NEK1: variants seen among roughly 807,000 people sequenced by gnomAD.
The protein encoded by NEK1 is NIMA related kinase 1, also known as serine/threonine-protein kinase Nek1.
In NEK1, 137 loss-of-function variants were observed where a neutral mutation model predicts 182.1. The observed-to-expected ratio is 0.75, with a 90% confidence interval of 0.65 to 0.87. The LOEUF is 0.87. Among genes scored for constraint, NEK1 ranks in the 40% least tolerant of loss-of-function variants. The pLI is 0.00. For synonymous variants in NEK1, 513 were observed against 492.2 expected (o/e 1.04, Z -0.56); for missense variants, 1,391 against 1,494.4 (o/e 0.93, Z 1.14).
In NEK1 at chr4:169,433,556, T is replaced by A; in HGVS notation, c.2874A>T (p.Thr958=). The A allele has an allele frequency of 6.2e-7, 1 of 1,608,872 alleles. No homozygotes were observed. The change falls in exon 29 of 36, where the codon ACA becomes ACT. Residue 958 remains threonine, a synonymous_variant. Coordinates refer to ENST00000507142, the MANE Select transcript of NEK1 (RefSeq NM_001199397.3). ...AAAGATGTACATACTGAGTTTCCTT[T>A]GTTTCTTTTTCCTCACTAATCCACA... ...TDVWISEEKE[T]KETQSADRIT... is the part of the protein sequence containing the mutation.
rs1205137970 is a variant in NEK1 at position 169,438,135 on chromosome 4, C to T, written c.2712G>A (p.Glu904=). 5 of 1,611,868 alleles carry T rather than the reference C, an allele frequency of 3.1e-6. No individual in the cohort carries two copies. The highest frequency in any genetic ancestry group is 4.2e-6 in the Non-Finnish European group (5 of 1,179,054). Residue 904 remains glutamate (E), a synonymous_variant, in exon 28 of 36, where the codon GAG becomes GAA. Coordinates refer to ENST00000507142, the MANE Select transcript of NEK1 (RefSeq NM_001199397.3). ...ACATCTGTGGAGATGCCTCACTGAA[C>T]TCGGGACTTTTTGTCTCAACAGGAG... The part of the protein sequence containing the change: ...VDSPVETKSP[E]FSEASPQMSL...
chr4:169,577,194 C>T, intron 11 of NEK1, 115 bp from the exon 12 acceptor site: 1 of 996,994 alleles, frequency 1.0e-6, no homozygotes, highest in Non-Finnish European at 1.5e-6. Context: ...GTATTTTAAA[C>T]TTTCTATCAA....
intron 20 of NEK1, 150 bp downstream of exon 20, chr4:169,508,619 A>T (rs1753697074): frequency 1.8e-6 from 1 of 568,700 alleles, no homozygotes; most frequent in Admixed American, 3.8e-5. Flanking sequence ...AAATTATAAC[A>T]CAGAATGTCA....
chr4:169,591,557 C>T (rs1157587040), intron 5 of NEK1, among the ~76,000 whole-genome samples: 3 of 151,976 alleles, frequency 2.0e-5, no homozygotes, highest in Non-Finnish European at 4.4e-5. Context: ...CTTTTTTTCT[C>T]TTCCCACATT....
chr4:169,468,967 C>T (rs572990749), intron 26 of NEK1, among the ~76,000 whole-genome samples: 3 of 151,890 alleles, frequency 2.0e-5, no homozygotes, highest in Admixed American at 2.0e-4. Flanking sequence ...TGGTGATATC[C>T]CCTTTATCAT....
At chr4:169,402,362 T>C (rs1731836646) in intron 32 of NEK1, among the ~76,000 whole-genome samples, 1 of 152,206 alleles carries the variant, frequency 6.6e-6, no homozygotes, top group East Asian at 1.9e-4. Context: ...CTTTTAGAAA[T>C]AGAAATACTT....
chr4:169,490,453 G>C (rs1216836261), intron 23 of NEK1, among the ~76,000 whole-genome samples: 2 of 151,882 alleles, frequency 1.3e-5, no homozygotes, highest in African/African-American at 4.8e-5. Context: ...CACCATCAAA[G>C]GAATAATTCT....
chr4:169,479,516 T>C lies in NEK1; in HGVS notation c.2026A>G (p.Lys676Glu). The change falls in exon 24 of 36, where the codon AAG becomes GAG. Residue 676 changes from lysine to glutamate, a missense_variant. Physicochemically the swap from Lys to Glu is moderately conservative, Grantham distance 56. Around this residue, in one of 5 missense-constraint regions of NEK1, gnomAD observed 1,216 missense variants for 1,277.6 expected, o/e 0.95. Coordinates refer to ENST00000507142, the MANE Select transcript of NEK1 (RefSeq NM_001199397.3). ...AAAGGTGGAGAAACATCAGAACTCT[T>C]AACTCCTTTAGCCACCAACTATAAA... ...WEEHLVAKGV[K>E]SSDVSPPLGQ... 6.2e-7 allele frequency: 1 copy of C among 1,605,748 alleles called. No individual in the cohort carries two copies. Among genetic ancestry groups the C allele is most frequent in the Non-Finnish European group, 8.5e-7 (1 of 1,177,296 alleles).
At chr4:169,515,345 G>A (rs1163144162) in intron 19 of NEK1, among the ~76,000 whole-genome samples, 4 of 152,140 alleles carry the variant, frequency 2.6e-5, no homozygotes, top group South Asian at 2.1e-4. Context: ...CTGATTTTCT[G>A]TCTAGTAGTT....
At chr4:169,433,445 T>C in intron 29 of NEK1, 100 bp downstream of exon 29, 1 of 1,100,272 alleles carries the variant, frequency 9.1e-7, no homozygotes, top group East Asian at 2.4e-5. Context: ...TATTACAATA[T>C]TAGGATATTA....
chr4:169,436,455 T>C (rs1403301038), intron 28 of NEK1, among the ~76,000 whole-genome samples: 1 of 152,174 alleles, frequency 6.6e-6, no homozygotes, highest in Non-Finnish European at 1.5e-5. Context: ...GAAAATTTGG[T>C]AACTGCAATA....
At chr4:169,508,603 G>A (rs962300493) in intron 20 of NEK1, among the ~76,000 whole-genome samples, 166 bp downstream of exon 20, 15 of 151,856 alleles carry the variant, frequency 9.9e-5, no homozygotes, top group Admixed American at 8.5e-4. Flanking sequence ...AATAAGTTAC[G>A]GGGCAAAATT....
intron 12 of NEK1, among the ~76,000 whole-genome samples, chr4:169,566,934 T>C (rs1763782511): frequency 6.6e-6 from 1 of 151,976 alleles, no homozygotes; most frequent in Non-Finnish European, 1.5e-5. Flanking sequence ...CAAGACCCCG[T>C]CTCTACAAAA....
chr4:169,495,455 G>T (rs1435999911), intron 23 of NEK1, among the ~76,000 whole-genome samples: 1 of 151,964 alleles, frequency 6.6e-6, no homozygotes, highest in African/African-American at 2.4e-5. Context: ...TGTTAGCCAG[G>T]ATGGTCTCGA....
chr4:169,526,475 A>C (rs923862918), intron 19 of NEK1, among the ~76,000 whole-genome samples: 3 of 152,214 alleles, frequency 2.0e-5, no homozygotes, highest in Non-Finnish European at 4.4e-5. Context: ...TGGGTGACAG[A>C]GGGAAACCCC....
chr4:169,609,945 T>G (rs1772034397), intron 2 of NEK1, among the ~76,000 whole-genome samples: 1 of 152,118 alleles, frequency 6.6e-6, no homozygotes, highest in African/African-American at 2.4e-5. Context: ...GTATATGAAC[T>G]ATGCTCCAGA....
Position 169,545,673 on chromosome 4 carries a change from TAA to T in NEK1, c.1563-7764_1563-7763del, listed in dbSNP as rs1211886830. On this transcript the variant is annotated intron_variant, in intron 18 of 35. Transcript: ENST00000507142. ...CTAGTTTACAGTCCCACCAACAGTG[TAA>T]AAGTGTTCCTATTTCTCCACATCCT... Among the ~76,000 whole-genome samples the T allele has an allele frequency of 2.7e-5, 4 of 150,202 alleles. No homozygotes were observed. The East Asian group carries it at 7.8e-4, about 29-fold the overall frequency.
rs1744302067 is a variant in NEK1, at chr4:169,463,237, C to T, written c.2587+6G>A. 6.7e-7 allele frequency: 1 copy of T among 1,485,702 alleles called. No homozygotes were observed. Among genetic ancestry groups the T allele is most frequent in the Middle Eastern group, 1.8e-4 (1 of 5,592 alleles). 92.0% of individuals were successfully genotyped at this position (1,485,702 alleles called of 1,614,324 possible). A position where few individuals can be genotyped will look rare whatever the true frequency, so the allele number is the denominator to read the frequency against. ...TAGTATAGAAAAACTACCAGTTTCT[C>T]CTTACCACTTCTAATAGTTGTATTT... On this transcript the variant is annotated splice_donor_region_variant and intron_variant, in intron 27 of 35. Coordinates refer to ENST00000507142, the MANE Select transcript of NEK1 (RefSeq NM_001199397.3).
chr4:169,570,673 G>GGT (rs1764655318), intron 12 of NEK1, among the ~76,000 whole-genome samples: 1 of 152,236 alleles, frequency 6.6e-6, no homozygotes, highest in Non-Finnish European at 1.5e-5. Context: ...CCATCTGGGA[G>GGT]GTGTGCCCAG....
Sources: allele counts gnomAD v4.1 joint callset (sites outside exome capture counted in the v4.1 genomes callset), GRCh38; gene constraint gnomAD v4.1.1; regional missense constraint gnomAD v4.1.1; transcripts MANE v1.5; gene names NCBI Gene and HGNC (gene_info 2026-07-23, HGNC 2026-07-21).